ERGIC1: variants seen among roughly 807,000 people sequenced by gnomAD.
The protein encoded by ERGIC1 is endoplasmic reticulum-golgi intermediate compartment 1.
In ERGIC1, 19 loss-of-function variants were observed where a neutral mutation model predicts 38.3. That is an observed-to-expected ratio of 0.50 (90% CI 0.35 to 0.73). The LOEUF (loss-of-function observed/expected upper bound fraction) is 0.73. Ranked by LOEUF, ERGIC1 falls within the 30% of genes least tolerant of loss-of-function variation. The pLI, the probability that ERGIC1 is intolerant of heterozygous loss-of-function variation, is 0.01. For synonymous variants in ERGIC1, 124 were observed against 157.6 expected (o/e 0.79, Z 1.60); for missense variants, 294 against 389.2 (o/e 0.76, Z 2.06).
chr5:172,920,238 C>T, intron 5 of ERGIC1: 7 of 701,324 alleles, frequency 1.0e-5, no homozygotes, highest in South Asian at 9.1e-5. Flanking sequence ...AACCGCCCAT[C>T]AAGAGGTGCT....
intron 5 of ERGIC1, 52 bp from the exon 6 acceptor site, chr5:172,923,952 TC>T: frequency 2.0e-6 from 3 of 1,531,738 alleles, no homozygotes; most frequent in Non-Finnish European, 2.7e-6. Context: ...GCCCCAATGT[TC>T]CGCCCCCTGG....
chr5:172,856,162 G>A (rs775912030), intron 1 of ERGIC1, among the ~76,000 whole-genome samples: 116 of 152,168 alleles, frequency 7.6e-4, no homozygotes, highest in Non-Finnish European at 3.1e-4. Context: ...CCCTAGGGGT[G>A]GGCAGCACGT....
rs1762414505 is a variant in ERGIC1, at chr5:172,886,236, A to G, written c.21-2463A>G. Among the ~76,000 whole-genome samples the G allele has an allele frequency of 3.3e-5, 5 of 151,908 alleles. No individual in the cohort carries two copies. In the South Asian group the frequency reaches 1.0e-3, roughly 32 times the overall value. On this transcript the variant is annotated intron_variant, in intron 1 of 9. Transcript: ENST00000393784. ...CTCCTCTCCCTGCACATCGGGCTGT[A>G]CCCTGTGCCGGAGAGAGGACAGCGC...
chr5:172,884,067 G>A (rs534600877), intron 1 of ERGIC1, among the ~76,000 whole-genome samples: 63 of 152,060 alleles, frequency 4.1e-4, no homozygotes, highest in Non-Finnish European at 7.9e-4. Flanking sequence ...CGTTTTCTGG[G>A]GGAAGTGCTT....
At chr5:172,893,905 A>ATATATATATATATGTG (rs1173039695) in intron 2 of ERGIC1, among the ~76,000 whole-genome samples, 5 of 15,536 alleles carry the variant, frequency 3.2e-4, no homozygotes, top group Admixed American at 1.4e-3. Context: ...ATATATATAT[A>ATATATATATATATGTG]TGTGTGTGTG....
intron 9 of ERGIC1, among the ~76,000 whole-genome samples, chr5:172,943,544 A>C (rs1298808202): frequency 6.6e-6 from 1 of 152,120 alleles, no homozygotes; most frequent in Non-Finnish European, 1.5e-5. Flanking sequence ...GTGCTGACTG[A>C]ACGGGGAAAG....
intron 1 of ERGIC1, among the ~76,000 whole-genome samples, chr5:172,878,946 G>A (rs1308326411): frequency 6.6e-6 from 1 of 152,190 alleles, no homozygotes; most frequent in African/African-American, 2.4e-5. Flanking sequence ...CAGGCTGGTG[G>A]CCAGGGCTGA....
intron 1 of ERGIC1, among the ~76,000 whole-genome samples, chr5:172,836,830 G>A (rs1199227488): frequency 1.3e-5 from 2 of 152,358 alleles, no homozygotes; most frequent in East Asian, 3.9e-4. Context: ...ACTTTGGGGT[G>A]CAGACATCGA....
chr5:172,869,954 A>T (rs908188701), intron 1 of ERGIC1, among the ~76,000 whole-genome samples: 2 of 152,206 alleles, frequency 1.3e-5, no homozygotes, highest in Admixed American at 1.3e-4. Flanking sequence ...TCTCAGCCTT[A>T]CCAGCCTGGC....
At chr5:172,907,353 T>G (rs1216037226) in intron 3 of ERGIC1, among the ~76,000 whole-genome samples, 1 of 151,510 alleles carries the variant, frequency 6.6e-6, no homozygotes, top group Non-Finnish European at 1.5e-5. Flanking sequence ...AGGTCAGGAG[T>G]TCAAGACCAG....
chr5:172,888,484 G>C (rs1762476321), intron 1 of ERGIC1, among the ~76,000 whole-genome samples: 1 of 151,920 alleles, frequency 6.6e-6, no homozygotes, highest in African/African-American at 2.4e-5. Context: ...ATGTTATGAA[G>C]AAGAGATGAC....
intron 9 of ERGIC1, among the ~76,000 whole-genome samples, chr5:172,938,378 A>G (rs1057321899): frequency 3.9e-5 from 6 of 152,226 alleles, no homozygotes; most frequent in African/African-American, 1.2e-4. Flanking sequence ...CATGCCTCAC[A>G]GTAGGGTTCA....
rs576732559 is a variant in ERGIC1, at chr5:172,909,452, G to A, written c.156-215G>A. 5.1e-4 allele frequency among the ~76,000 whole-genome samples: 78 copies of A among 151,714 alleles called. 1 individual carries two copies. The highest frequency in any genetic ancestry group is 1.8e-3 in the African/African-American group (73 of 41,352). On this transcript the variant is annotated intron_variant, in intron 3 of 9. Transcript: ENST00000393784. Reference sequence around the variant, plus strand: ...TGGGATAACAGGCATGAGCCTCTGCGCCCAGCCCAGCCCTCCCGTCCTGAG... The same window carrying A: ...TGGGATAACAGGCATGAGCCTCTGCACCCAGCCCAGCCCTCCCGTCCTGAG...
At chr5:172,881,947 T>C (rs1762295720) in intron 1 of ERGIC1, among the ~76,000 whole-genome samples, 1 of 152,160 alleles carries the variant, frequency 6.6e-6, no homozygotes, top group Admixed American at 6.5e-5. Context: ...TCACAACTGG[T>C]CACATCACCG....
chr5:172,880,389 A>G (rs1762251481), intron 1 of ERGIC1, among the ~76,000 whole-genome samples: 4 of 151,852 alleles, frequency 2.6e-5, no homozygotes, highest in Admixed American at 2.6e-4. Context: ...CAGAGGCATG[A>G]TCTCAGCTCA....
In ERGIC1 at chr5:172,837,352, C is replaced by CACAGAGTAA. The variant is rs1761061400; in HGVS notation, c.20+2920_20+2921insCAGAGTAAA. ...TTAGACACAGAGTAAGCGCCTCATC[C>CACAGAGTAA]ATTTTGGCCGCCATATTTATTTGTG... is the stretch of plus-strand genomic sequence containing the variant. On this transcript the variant is annotated intron_variant, in intron 1 of 9. Coordinates refer to ENST00000393784, the MANE Select transcript of ERGIC1 (RefSeq NM_001031711.3). This position sits in a 1 kb window ranked among gnomAD's most constrained non-coding sequence, Gnocchi z 4.3. Among the ~76,000 whole-genome samples, 1 of 152,176 alleles carries CACAGAGTAA rather than the reference C, an allele frequency of 6.6e-6. No individual in the cohort carries two copies. The highest frequency in any genetic ancestry group is 1.5e-5 in the Non-Finnish European group (1 of 68,030).
rs146160637 is a variant in ERGIC1, at chr5:172,873,948, A to G, written c.21-14751A>G. Among the ~76,000 whole-genome samples, 541 of 152,284 alleles carry G rather than the reference A, an allele frequency of 3.6e-3. 2 individuals are homozygous for G. Among genetic ancestry groups the G allele is most frequent in the Non-Finnish European group, 6.3e-3 (428 of 68,016 alleles). On this transcript the variant is annotated intron_variant, in intron 1 of 9. Transcript: ENST00000393784. ...TCTGCTTGAAGTTAGATATAAACAC[A>G]TGCCTTACACCTTAGGAATTCTAGC...
At chr5:172,916,269 G>A (rs1763362905) in intron 5 of ERGIC1, 1 of 152,336 alleles carries the variant, frequency 6.6e-6, no homozygotes, top group Non-Finnish European at 1.5e-5. Flanking sequence ...GTTAAAGGGA[G>A]TCTCTCACCA....
chr5:172,891,111 C>T (rs981806490), intron 2 of ERGIC1, among the ~76,000 whole-genome samples: 7 of 152,252 alleles, frequency 4.6e-5, no homozygotes, highest in African/African-American at 1.4e-4. Context: ...GTGCAGGGCA[C>T]GTACTAACCC....
Sources: gnomAD v4.1 joint callset for allele counts (sites outside exome capture counted in the v4.1 genomes callset) on GRCh38, gnomAD v4.1.1 for gene constraint, Gnocchi (gnomAD v3.1) non-coding constraint, MANE v1.5 for transcripts, NCBI Gene and HGNC (gene_info 2026-07-23, HGNC 2026-07-21) for gene names.